Variants in BEGAIN observed in about 807,000 individuals in gnomAD.
BEGAIN encodes brain enriched guanylate kinase associated, also known as brain-enriched guanylate kinase-associated protein.
Under a neutral mutation model 35.8 loss-of-function variants are expected in BEGAIN, and 19 were observed. The observed-to-expected ratio is 0.53, with a 90% confidence interval of 0.37 to 0.78. BEGAIN has a LOEUF of 0.78. Among genes scored for constraint, BEGAIN ranks in the 30% least tolerant of loss-of-function variants. The pLI is 0.00. For synonymous variants in BEGAIN, 462 were observed against 388.6 expected, an observed-to-expected ratio of 1.19 and a Z score of -2.22; for missense variants, 795 against 853.6, an observed-to-expected ratio of 0.93 and a Z score of 0.85.
Position 100,538,229 on chromosome 14 carries a change from C to T in BEGAIN, c.1579G>A (p.Asp527Asn). 2 of 1,568,254 alleles carry T rather than the reference C, an allele frequency of 1.3e-6. No individual in the cohort carries two copies. The highest frequency in any genetic ancestry group is 2.7e-5 in the African/African-American group (2 of 73,772). The change falls in exon 7 of 7, where the codon GAC becomes AAC. Residue 527 changes from aspartate to asparagine, a missense_variant. By Grantham distance (23) the Asp-to-Asn change is conservative. Transcript: ENST00000554140. Reference protein sequence around the residue: ...DLSLSPGRSADPLPGYAPSEG... With the variant: ...DLSLSPGRSANPLPGYAPSEG... ...CTGGGTGCATAGCCGGGCAGTGGGT[C>T]AGCCGAGCGGCCGGGACTGAGGCTC...
At position 100,575,806 on chromosome 14, in the gene BEGAIN, G is replaced by A. The variant is rs139406403; in HGVS notation, c.43-7867C>T. 3.9e-4 allele frequency among the ~76,000 whole-genome samples: 60 copies of A among 152,124 alleles called. No individual in the cohort carries two copies. In the East Asian group the frequency reaches 7.2e-3, roughly 18 times the overall value. On this transcript the variant is annotated intron_variant, in intron 1 of 6. Transcript: ENST00000554140. Reference sequence around the variant, plus strand: ...TGGCCAGGCCCCAGGGTGCAGCCTCGCCCCCTGAACACACTGTTGGGCCCC... The same window carrying A: ...TGGCCAGGCCCCAGGGTGCAGCCTCACCCCCTGAACACACTGTTGGGCCCC...
intron 3 of BEGAIN, chr14:100,545,450 G>A: frequency 3.8e-6 from 4 of 1,042,598 alleles, no homozygotes; most frequent in East Asian, 8.8e-5. Flanking sequence ...AAATGAGCAG[G>A]GAAGAAACTT....
chr14:100,575,507 C>T (rs1381137955), intron 1 of BEGAIN, among the ~76,000 whole-genome samples: 2 of 152,192 alleles, frequency 1.3e-5, no homozygotes, highest in South Asian at 2.1e-4. Flanking sequence ...CTCAGTCTTC[C>T]GGGCCTCAGT....
At position 100,576,890 on chromosome 14, in the gene BEGAIN, C is replaced by T. The variant is rs79062151; in HGVS notation, c.43-8951G>A. Among the ~76,000 whole-genome samples, 707 of 152,302 alleles carry T rather than the reference C, an allele frequency of 4.6e-3. 9 individuals carry two copies. Among genetic ancestry groups the T allele is most frequent in the East Asian group, 0.033 (169 of 5,178 alleles). ...CCAAGCCCGGACTACCTGTGTCACC[C>T]GGGACAAGTGGCAGCCCCTCACAAC... On this transcript the variant is annotated intron_variant, in intron 1 of 6. Transcript: ENST00000554140.
Position 100,567,223 on chromosome 14 carries a change from G to A in BEGAIN, c.71+688C>T, listed in dbSNP as rs2034763973. On this transcript the variant is annotated intron_variant, in intron 2 of 6. Coordinates refer to ENST00000554140, the MANE Select transcript of BEGAIN (RefSeq NM_001385089.1). This position sits in a 1 kb window ranked among gnomAD's most constrained non-coding sequence, Gnocchi z 5.1. ...AGGGGTCAGGGTGCCAGGGGAAGTC[G>A]TGGAGGAAGTGGCAAATATTCAAAC... Among the ~76,000 whole-genome samples the A allele has an allele frequency of 6.6e-6, 1 of 152,206 alleles. No homozygotes were observed. The highest frequency in any genetic ancestry group is 1.5e-5 in the Non-Finnish European group (1 of 68,028).
chr14:100,582,302 G>A (rs2035335245), intron 1 of BEGAIN, among the ~76,000 whole-genome samples: 1 of 152,110 alleles, frequency 6.6e-6, no homozygotes, highest in Admixed American at 6.6e-5. Context: ...GCACCACCAT[G>A]CCCAGCTAAT....
At chr14:100,564,614 G>C (rs563779720) in intron 2 of BEGAIN, among the ~76,000 whole-genome samples, 3 of 152,328 alleles carry the variant, frequency 2.0e-5, no homozygotes, top group South Asian at 2.1e-4. Context: ...AGATAGCTGA[G>C]TGTGGCTGAG....
At position 100,537,867 on chromosome 14, in the gene BEGAIN, C is replaced by T. The variant is rs2030790285; in HGVS notation, c.*102G>A. 5 of 1,435,844 alleles carry T rather than the reference C, an allele frequency of 3.5e-6. No individual in the cohort carries two copies. In the South Asian group the frequency reaches 4.3e-5, roughly 12 times the overall value. The allele number at this position is 1,435,844 out of a possible 1,614,324, so 88.9% of individuals were successfully genotyped here. A position where few individuals can be genotyped will look rare whatever the true frequency, so the allele number is the denominator to read the frequency against. On this transcript the variant is annotated 3_prime_UTR_variant, in exon 7 of 7. Coordinates refer to ENST00000554140, the MANE Select transcript of BEGAIN (RefSeq NM_001385089.1). ...GAGGAACAGACTCCTCGTTGTTGGCCGGGGCAGGGGAACAGCGGGGGCTGG... is the reference window on the plus strand; with the variant it reads ...GAGGAACAGACTCCTCGTTGTTGGCTGGGGCAGGGGAACAGCGGGGGCTGG...
At position 100,573,235 on chromosome 14, in the gene BEGAIN, C is replaced by T. The variant is rs1235766412; in HGVS notation, c.43-5296G>A. ...TGGTGAGTCTGGGGGGAGGGGCTTC[C>T]GGAGGAGGGGGCTGGTGAGTCTGGG... On this transcript the variant is annotated intron_variant, in intron 1 of 6. Transcript: ENST00000554140. The surrounding 1 kb of genome is among the most constrained non-coding windows in gnomAD (Gnocchi z 4.2). Among the ~76,000 whole-genome samples, 1 of 20,906 alleles carries T rather than the reference C, an allele frequency of 4.8e-5. No homozygotes were observed. Among genetic ancestry groups the T allele is most frequent in the Non-Finnish European group, 9.6e-5 (1 of 10,468 alleles). 13.7% of individuals were successfully genotyped at this position (20,906 alleles called of 152,430 possible). A position where few individuals can be genotyped will look rare whatever the true frequency, so the allele number is the denominator to read the frequency against.
At chr14:100,562,304 A>G (rs2034328275) in intron 2 of BEGAIN, among the ~76,000 whole-genome samples, 1 of 152,056 alleles carries the variant, frequency 6.6e-6, no homozygotes. Flanking sequence ...CCACAATGCA[A>G]TTAGTTCCCC....
At chr14:100,580,336 A>G (rs1363904179) in intron 1 of BEGAIN, among the ~76,000 whole-genome samples, 2 of 152,136 alleles carry the variant, frequency 1.3e-5, no homozygotes, top group Non-Finnish European at 2.9e-5. Flanking sequence ...AAAAATAAAT[A>G]AAATCACAGG....
rs750883831 is a variant in BEGAIN, at chr14:100,539,167, A to G, written c.641T>C (p.Leu214Pro). The change falls in exon 7 of 7, where the codon CTG becomes CCG. Residue 214 changes from leucine (L) to proline (P), a missense_variant. Coordinates refer to ENST00000554140, the MANE Select transcript of BEGAIN (RefSeq NM_001385089.1). Reference protein sequence around the residue: ...KVLEKPDPASLSSRLSDASAR... With the variant: ...KVLEKPDPASPSSRLSDASAR... ...GGAGGCATCGGACAGGCGGGAGGAC[A>G]GGCTGGCGGGGTCCGGCTTCTCCAG... 2 of 1,590,118 alleles carry G rather than the reference A, an allele frequency of 1.3e-6. No homozygotes were observed.
At chr14:100,583,679 T>C (rs2035370728) in intron 1 of BEGAIN, among the ~76,000 whole-genome samples, 1 of 124,038 alleles carries the variant, frequency 8.1e-6, no homozygotes, top group African/African-American at 3.0e-5. Context: ...CTCTCTCTCT[T>C]TCGTTTTTCT....
chr14:100,548,242 C>T (rs2032786243), intron 2 of BEGAIN: 1 of 152,218 alleles, frequency 6.6e-6, no homozygotes, highest in Non-Finnish European at 1.5e-5. Context: ...AGGCAGCCTT[C>T]CGTGGCTGCC....
At position 100,558,798 on chromosome 14, in the gene BEGAIN, C is replaced by T. The variant is rs987317232; in HGVS notation, c.71+9113G>A. On this transcript the variant is annotated intron_variant, in intron 2 of 6. Coordinates refer to ENST00000554140, the MANE Select transcript of BEGAIN (RefSeq NM_001385089.1). The surrounding 1 kb of genome is among the most constrained non-coding windows in gnomAD (Gnocchi z 4.6). ...AGGCCCACTCCTTTCAAGTGACTGC[C>T]GCACAGCCCCATGGCAGTCTCAGCT... Among the ~76,000 whole-genome samples, 6 of 152,208 alleles carry T rather than the reference C, an allele frequency of 3.9e-5. No homozygotes were observed. Among genetic ancestry groups the T allele is most frequent in the African/African-American group, 9.7e-5 (4 of 41,446 alleles).
At position 100,574,889 on chromosome 14, in the gene BEGAIN, C is replaced by G. The variant is rs534106794; in HGVS notation, c.43-6950G>C. 6.6e-5 allele frequency among the ~76,000 whole-genome samples: 10 copies of G among 152,342 alleles called. No individual in the cohort carries two copies. In the East Asian group the frequency reaches 1.9e-3, roughly 29 times the overall value. ...CATGACCCCACCCAGGGCCATGCCC[C>G]TGGCCCTGTGCTTCCTGCTCCTTCT... On this transcript the variant is annotated intron_variant, in intron 1 of 6. Coordinates refer to ENST00000554140, the MANE Select transcript of BEGAIN (RefSeq NM_001385089.1).
intron 1 of BEGAIN, among the ~76,000 whole-genome samples, 162 bp downstream of exon 1, chr14:100,587,087 G>C (rs868214080): frequency 6.7e-6 from 1 of 150,372 alleles, no homozygotes; most frequent in African/African-American, 2.4e-5. Context: ...GGCTCCTCCC[G>C]GGCCAGTGAA....
intron 3 of BEGAIN, chr14:100,545,317 G>A: frequency 7.5e-7 from 1 of 1,341,330 alleles, no homozygotes; most frequent in East Asian, 2.9e-5. Context: ...GGGACCCCCT[G>A]AAGATGGGAA....
rs189445573 is a variant in BEGAIN at position 100,573,683 on chromosome 14, A to G, written c.43-5744T>C. Among the ~76,000 whole-genome samples the G allele has an allele frequency of 6.6e-6, 1 of 152,206 alleles. No individual in the cohort carries two copies. The highest frequency in any genetic ancestry group is 1.9e-4 in the East Asian group (1 of 5,150). On this transcript the variant is annotated intron_variant, in intron 1 of 6. Coordinates refer to ENST00000554140, the MANE Select transcript of BEGAIN (RefSeq NM_001385089.1). The surrounding 1 kb of genome is among the most constrained non-coding windows in gnomAD (Gnocchi z 4.2). ...GTGACCTCATGTTGAGCAGGGGAAC[A>G]TGGGGAATTCAGGGCTGGTGGTGCC...
Sources: gnomAD v4.1 joint callset for allele counts (sites outside exome capture counted in the v4.1 genomes callset) on GRCh38, gnomAD v4.1.1 for gene constraint, Gnocchi (gnomAD v3.1) non-coding constraint, MANE v1.5 for transcripts, NCBI Gene and HGNC (gene_info 2026-07-23, HGNC 2026-07-21) for gene names.